The following TENM2 variants were observed in gnomAD, a reference collection of about 807,000 sequenced individuals.
The protein encoded by TENM2 is teneurin-2.
Under a neutral mutation model 245.2 loss-of-function variants are expected in TENM2, and 52 were observed. The ratio of observed to expected loss-of-function variants is 0.21; its 90% CI spans 0.17 to 0.27. TENM2 has a LOEUF of 0.27. Ranked by LOEUF, TENM2 falls within the 10% of genes least tolerant of loss-of-function variation. The pLI is 1.00. For missense variants in TENM2, 3,046 were observed against 3,666.8 expected, an observed-to-expected ratio of 0.83 and a Z score of 4.37; for synonymous variants, 1,363 against 1,438.9, an observed-to-expected ratio of 0.95 and a Z score of 1.19.
intron 2 of TENM2, among the ~76,000 whole-genome samples, chr5:167,740,497 C>T (rs573709887): frequency 6.6e-6 from 1 of 152,266 alleles, no homozygotes; most frequent in East Asian, 1.9e-4. Flanking sequence ...AATTTCAATT[C>T]TCCTTCTTCT....
chr5:168,196,160 T>A (rs1761411601), intron 15 of TENM2, among the ~76,000 whole-genome samples: 1 of 151,838 alleles, frequency 6.6e-6, no homozygotes, highest in Non-Finnish European at 1.5e-5. Flanking sequence ...AGAACAGGGA[T>A]TTTTTACCTT....
chr5:168,004,519 A>ACACG (rs1784673271), intron 5 of TENM2, among the ~76,000 whole-genome samples: 1 of 31,738 alleles, frequency 3.2e-5, no homozygotes, highest in African/African-American at 9.9e-5. Flanking sequence ...GCGCGCGCGC[A>ACACG]CACACACACA....
chr5:167,752,292 T>G (rs1762014772), intron 2 of TENM2, among the ~76,000 whole-genome samples: 1 of 148,828 alleles, frequency 6.7e-6, no homozygotes, highest in Non-Finnish European at 1.5e-5. Flanking sequence ...TTTTGTATTT[T>G]AAGTAGAGAT....
chr5:167,323,014 G>T (rs566033854), intron 1 of TENM2, among the ~76,000 whole-genome samples: 1 of 152,238 alleles, frequency 6.6e-6, no homozygotes, highest in Admixed American at 6.5e-5. Context: ...TAAAACTGTC[G>T]CAGGGGCATT....
intron 2 of TENM2, among the ~76,000 whole-genome samples, chr5:167,584,631 C>T (rs977861046): frequency 7.2e-5 from 11 of 152,024 alleles, no homozygotes; most frequent in African/African-American, 2.7e-4. Flanking sequence ...CAGCATCAAT[C>T]GGCCTTAGAT....
At chr5:167,562,599 G>C (rs912447677) in intron 2 of TENM2, among the ~76,000 whole-genome samples, 5 of 152,278 alleles carry the variant, frequency 3.3e-5, no homozygotes, top group African/African-American at 1.2e-4. Flanking sequence ...CTTTTCTCCT[G>C]AGAAGAGCTC....
At position 168,177,882 on chromosome 5, in the gene TENM2, C is replaced by T. The variant is rs554256675; in HGVS notation, c.2570-12455C>T. Among the ~76,000 whole-genome samples the T allele has an allele frequency of 5.8e-4, 89 of 152,290 alleles. 2 individuals carry two copies. The South Asian group carries it at 0.017, about 29-fold the overall frequency. ...ACAAAATAAACGAGAAAATCTCCAGCGAGTGCTAAGCACAGTGCTTGGAAC... is the reference window on the plus strand; with the variant it reads ...ACAAAATAAACGAGAAAATCTCCAGTGAGTGCTAAGCACAGTGCTTGGAAC... On this transcript the variant is annotated intron_variant, in intron 13 of 28. Coordinates refer to ENST00000518659, the Ensembl canonical transcript of TENM2.
chr5:167,866,997 G>A (rs1428211045), intron 2 of TENM2, among the ~76,000 whole-genome samples: 1 of 152,242 alleles, frequency 6.6e-6, no homozygotes, highest in Non-Finnish European at 1.5e-5. Flanking sequence ...CTGCTGGACA[G>A]CGTCAATCTG....
At chr5:168,025,216 T>A (rs1426462048) in intron 5 of TENM2, among the ~76,000 whole-genome samples, 1 of 152,204 alleles carries the variant, frequency 6.6e-6, no homozygotes, top group East Asian at 1.9e-4. Context: ...CTGAAAAATA[T>A]TTGATGTGAT....
chr5:167,717,532 G>A (rs1425917420), intron 2 of TENM2, among the ~76,000 whole-genome samples: 1 of 151,920 alleles, frequency 6.6e-6, no homozygotes, highest in Non-Finnish European at 1.5e-5. Context: ...ACTTTTGCTA[G>A]GATGCTATAC....
chr5:167,504,654 G>A (rs1769426055), intron 2 of TENM2, among the ~76,000 whole-genome samples: 1 of 152,206 alleles, frequency 6.6e-6, no homozygotes, highest in South Asian at 2.1e-4. Context: ...GATAGTGTAT[G>A]TGAAATTCTG....
At chr5:167,371,595 A>G (rs1400692932) in intron 1 of TENM2, among the ~76,000 whole-genome samples, 11 of 151,978 alleles carry the variant, frequency 7.2e-5, no homozygotes, top group Non-Finnish European at 1.5e-4. Context: ...TCTTGACCTC[A>G]GGTGATCAGC....
intron 25 of TENM2, among the ~76,000 whole-genome samples, chr5:168,239,447 T>C (rs551076011): frequency 3.3e-5 from 5 of 152,296 alleles, no homozygotes; most frequent in Non-Finnish European, 5.9e-5. Flanking sequence ...CACCTATCAT[T>C]ACTTCTTTAT....
chr5:168,159,090 G>A (rs1270124654), intron 12 of TENM2, among the ~76,000 whole-genome samples: 2 of 151,342 alleles, frequency 1.3e-5, no homozygotes, highest in Admixed American at 6.6e-5. Context: ...GCTGCAGTGA[G>A]CCGACATTGC....
chr5:167,293,222 G>A (rs1754742197), intron 1 of TENM2, among the ~76,000 whole-genome samples: 2 of 152,082 alleles, frequency 1.3e-5, no homozygotes, highest in African/African-American at 4.8e-5. Flanking sequence ...TTGTTTTAAG[G>A]CAGAGCTTCA....
chr5:167,397,791 T>C (rs147438225), intron 2 of TENM2, among the ~76,000 whole-genome samples: 2 of 152,332 alleles, frequency 1.3e-5, no homozygotes, highest in Non-Finnish European at 2.9e-5. Context: ...TGTTTGCTTC[T>C]CTGAAATTCG....
At chr5:167,474,256 C>T (rs554157668) in intron 2 of TENM2, among the ~76,000 whole-genome samples, 3 of 152,126 alleles carry the variant, frequency 2.0e-5, no homozygotes, top group East Asian at 3.9e-4. Flanking sequence ...CAAACTGTAA[C>T]ACAAATTTAA....
chr5:168,227,718 T>A (rs1764348479), intron 24 of TENM2, among the ~76,000 whole-genome samples, 177 bp from the exon 27 acceptor site: 1 of 152,118 alleles, frequency 6.6e-6, no homozygotes. Flanking sequence ...GGATCAGTAG[T>A]ATCTCTGCTA....
the TENM2 span, among the ~76,000 whole-genome samples, chr5:167,012,316 A>G: frequency 1.6e-3 from 238 of 152,230 alleles, no homozygotes; most frequent in African/African-American, 5.3e-3. Context: ...CAGGCATGCC[A>G]TTGGTTCTGG....
Sources: gnomAD v4.1 joint callset for allele counts (sites outside exome capture counted in the v4.1 genomes callset) on GRCh38, gnomAD v4.1.1 for gene constraint, MANE v1.5 for transcripts, NCBI Gene and HGNC (gene_info 2026-07-23, HGNC 2026-07-21) for gene names.